The following MRPS31 variants were observed in gnomAD, a reference collection of about 807,000 sequenced individuals.
The protein encoded by MRPS31 is small ribosomal subunit protein mS31.
Under a neutral mutation model 43.1 loss-of-function variants are expected in MRPS31, and 32 were observed. The ratio of observed to expected loss-of-function variants is 0.74; its 90% CI spans 0.56 to 1.00. MRPS31 has a LOEUF of 1.00. MRPS31 is among the 50% of genes least tolerant of loss of function. The pLI is 0.00. For synonymous variants in MRPS31, 165 were observed against 161.6 expected, an observed-to-expected ratio of 1.02 and a Z score of -0.16; for missense variants, 437 against 466.7, an observed-to-expected ratio of 0.94 and a Z score of 0.59.
At chr13:40,756,631 G>C (rs1203993082) in intron 4 of MRPS31, among the ~76,000 whole-genome samples, 1 of 152,138 alleles carries the variant, frequency 6.6e-6, no homozygotes, top group Non-Finnish European at 1.5e-5. Flanking sequence ...ATTCATCGTG[G>C]GTAGATGTGA....
intron 4 of MRPS31, among the ~76,000 whole-genome samples, chr13:40,755,608 G>GA (rs1314961923): frequency 2.0e-5 from 3 of 152,084 alleles, no homozygotes; most frequent in African/African-American, 2.4e-5. Flanking sequence ...ATCTCCAACA[G>GA]AAAAAATCAA....
intron 2 of MRPS31, among the ~76,000 whole-genome samples, chr13:40,766,209 C>T (rs1880839498): frequency 6.6e-6 from 1 of 152,144 alleles, no homozygotes; most frequent in African/African-American, 2.4e-5. Context: ...ATCATTTCTC[C>T]TTTCCTTTCT....
At chr13:40,769,272 A>C (rs548687565) in intron 1 of MRPS31, among the ~76,000 whole-genome samples, 4 of 150,708 alleles carry the variant, frequency 2.7e-5, no homozygotes, top group African/African-American at 9.7e-5. Flanking sequence ...GCTACTTGGG[A>C]GGCTGAGGCA....
chr13:40,767,417 A>G (rs1203363523), intron 1 of MRPS31, among the ~76,000 whole-genome samples: 2 of 152,252 alleles, frequency 1.3e-5, no homozygotes, highest in Non-Finnish European at 2.9e-5. Flanking sequence ...GCAGCAACTT[A>G]CCATTTATTA....
chr13:40,760,705 C>A (rs1593277431), intron 2 of MRPS31, among the ~76,000 whole-genome samples: 2 of 149,670 alleles, frequency 1.3e-5, no homozygotes, highest in Non-Finnish European at 3.0e-5. Context: ...TGGGTTCAAG[C>A]AATCCTCCCA....
chr13:40,763,192 A>AT (rs1880750427), intron 2 of MRPS31, among the ~76,000 whole-genome samples: 1 of 152,196 alleles, frequency 6.6e-6, no homozygotes, highest in Non-Finnish European at 1.5e-5. Flanking sequence ...GGACCACTAC[A>AT]GGTGACACCT....
In MRPS31 at chr13:40,767,234, C is replaced by T. The variant is rs540268191; in HGVS notation, c.153-201G>A. The stretch of plus-strand genomic sequence containing the variant: ...GTGCAATGGCGCGATCTTGGCTCAC[C>T]GCAAACCCCGCCTCCAGGGTTCAAG... On this transcript the variant is annotated intron_variant, in intron 1 of 6. Transcript: ENST00000323563. 7.2e-5 allele frequency among the ~76,000 whole-genome samples: 11 copies of T among 151,782 alleles called. No individual in the cohort carries two copies. In the East Asian group the frequency reaches 1.9e-3, roughly 27 times the overall value.
intron 6 of MRPS31, among the ~76,000 whole-genome samples, chr13:40,744,368 A>G (rs1395779174): frequency 6.6e-6 from 1 of 152,216 alleles, no homozygotes; most frequent in Non-Finnish European, 1.5e-5. Flanking sequence ...TGGAAATAAA[A>G]AAATAGGAAG....
At chr13:40,767,221 G>A (rs983362969) in intron 1 of MRPS31, among the ~76,000 whole-genome samples, 188 bp from the exon 2 acceptor site, 8 of 151,188 alleles carry the variant, frequency 5.3e-5, no homozygotes, top group African/African-American at 1.5e-4. Flanking sequence ...GCAATGGCGC[G>A]ATCTTGGCTC....
intron 6 of MRPS31, among the ~76,000 whole-genome samples, chr13:40,746,523 C>T (rs1864738327): frequency 6.6e-6 from 1 of 151,954 alleles, no homozygotes; most frequent in Non-Finnish European, 1.5e-5. Flanking sequence ...CCCAACCTGA[C>T]CAAAAAAACA....
At chr13:40,765,562 T>C (rs1326457541) in intron 2 of MRPS31, among the ~76,000 whole-genome samples, 1 of 151,652 alleles carries the variant, frequency 6.6e-6, no homozygotes, top group East Asian at 2.1e-4. Flanking sequence ...CCATTTTGTT[T>C]CTAAAAGCAG....
chr13:40,733,123 C>A (rs1022524301), intron 6 of MRPS31, among the ~76,000 whole-genome samples: 3 of 150,898 alleles, frequency 2.0e-5, no homozygotes, highest in African/African-American at 4.9e-5. Context: ...CTTGCCTCAG[C>A]CTCCTGAGTA....
At chr13:40,742,376 G>A (rs1880124679) in intron 6 of MRPS31, among the ~76,000 whole-genome samples, 1 of 151,062 alleles carries the variant, frequency 6.6e-6, no homozygotes, top group East Asian at 2.0e-4. Flanking sequence ...TTTTTGAGAA[G>A]GCCATAGTAG....
chr13:40,756,818 T>G, intron 4 of MRPS31, 55 bp downstream of exon 4: 2 of 1,586,848 alleles, frequency 1.3e-6, no homozygotes, highest in Admixed American at 3.6e-5. Flanking sequence ...AAATCTACAG[T>G]TAAGGTAAAA....
chr13:40,732,823 T>G (rs1462839843), intron 6 of MRPS31, among the ~76,000 whole-genome samples: 2 of 151,982 alleles, frequency 1.3e-5, no homozygotes, highest in Non-Finnish European at 2.9e-5. Context: ...TGAGCATATG[T>G]TTAAATTATT....
chr13:40,737,975 T>C (rs886839058), intron 6 of MRPS31, among the ~76,000 whole-genome samples: 5 of 151,878 alleles, frequency 3.3e-5, no homozygotes, highest in Admixed American at 2.6e-4. Flanking sequence ...CAAAAAACCC[T>C]TCAAAAAATT....
chr13:40,759,857 A>G (rs1327768585), intron 2 of MRPS31, among the ~76,000 whole-genome samples: 1 of 152,250 alleles, frequency 6.6e-6, no homozygotes, highest in African/African-American at 2.4e-5. Context: ...GTCTATCATC[A>G]GAACAGAAAA....
intron 4 of MRPS31, among the ~76,000 whole-genome samples, chr13:40,755,511 C>A (rs984218101): frequency 3.7e-4 from 56 of 152,176 alleles, no homozygotes; most frequent in African/African-American, 1.3e-3. Flanking sequence ...GGGGAAACAG[C>A]CTGATGGAGG....
Position 40,756,873 on chromosome 13 carries a change from C to G in MRPS31, c.740G>C (p.Arg247Thr), listed in dbSNP as rs779933917. 6.2e-7 allele frequency: 1 copy of G among 1,612,280 alleles called. No homozygotes were observed. Among genetic ancestry groups the G allele is most frequent in the South Asian group, 1.1e-5 (1 of 90,600 alleles). The change falls in exon 4 of 7, where the codon AGG (arginine) becomes ACG (threonine). Residue 247 changes from arginine to threonine, a missense_variant and splice_region_variant. Coordinates refer to ENST00000323563, the MANE Select transcript of MRPS31 (RefSeq NM_005830.4). ...GQEKTDDLKK[R>T]KNIFTGKRLN... is the part of the protein sequence containing the mutation. ...CCCAGCAGATTACAAAGCCTGATAC[C>G]TTTTTTTAAGATCATCCGTCTTCTC...
Sources: allele counts gnomAD v4.1 joint callset (sites outside exome capture counted in the v4.1 genomes callset), GRCh38; gene constraint gnomAD v4.1.1; transcripts MANE v1.5; gene names NCBI Gene and HGNC (gene_info 2026-07-23, HGNC 2026-07-21).